The following KLF8 variants were observed in gnomAD, a reference collection of about 807,000 sequenced individuals.
KLF8 encodes the protein KLF transcription factor 8.
KLF8 carries 10 observed loss-of-function variants against 18.2 expected under a neutral mutation model. The observed-to-expected ratio is 0.55, with a 90% CI of 0.34 to 0.93. The LOEUF (loss-of-function observed/expected upper bound fraction) is 0.93. Among genes scored for constraint, KLF8 ranks in the 40% least tolerant of loss-of-function variants. The pLI, the probability that KLF8 is intolerant of heterozygous loss-of-function variation, is 0.02. For synonymous variants in KLF8, 109 were observed against 97.3 expected, an observed-to-expected ratio of 1.12 and a Z score of -0.71; for missense variants, 264 against 277.9, an observed-to-expected ratio of 0.95 and a Z score of 0.36.
the KLF8 span, among the ~76,000 whole-genome samples, chrX:56,080,333 A>G: frequency 9.0e-6 from 1 of 110,873 alleles, no homozygotes; most frequent in Non-Finnish European, 1.9e-5. Context: ...AGCTCTTGCA[A>G]GGCAGACCTG....
Position 56,285,383 on chromosome X carries a change from TATAGG to T in KLF8, c.*893_*897del, listed in dbSNP as rs2067256807. The T allele has an allele frequency of 8.9e-6, 1 of 111,809 alleles. No individual in the cohort carries two copies. Among genetic ancestry groups the T allele is most frequent in the Non-Finnish European group, 1.9e-5 (1 of 53,178 alleles). The allele number at this position is 111,809 out of a possible 1,213,427, so 9.2% of individuals were successfully genotyped here. ...ACAAATAGAGGGGTTCCTTTACTTG[TATAGG>T]ATATCAAAAGTGCTGTTAATCACAA... On this transcript the variant is annotated 3_prime_UTR_variant, in exon 6 of 6. Coordinates refer to ENST00000468660, the MANE Select transcript of KLF8 (RefSeq NM_007250.5).
At chrX:56,102,572 G>C in the KLF8 span, among the ~76,000 whole-genome samples, 2 of 110,753 alleles carry the variant, frequency 1.8e-5, no homozygotes, top group Non-Finnish European at 3.8e-5. Flanking sequence ...TAACAATATT[G>C]GTTCTTCCAT....
chrX:56,249,478 G>A (rs1441325945), intron 1 of KLF8, among the ~76,000 whole-genome samples: 1 of 111,906 alleles, frequency 8.9e-6, no homozygotes, highest in African/African-American at 3.2e-5. Context: ...TAAGGAGGAA[G>A]CTTTAAGCTA....
intron 2 of KLF8, among the ~76,000 whole-genome samples, chrX:56,256,479 CTA>C (rs1363023532): frequency 9.1e-6 from 1 of 109,895 alleles, no homozygotes; most frequent in Non-Finnish European, 1.9e-5. Flanking sequence ...CATTGCTTTT[CTA>C]GGTCTTTAAG....
At chrX:55,915,712 A>G in the KLF8 span, among the ~76,000 whole-genome samples, 3 of 112,096 alleles carry the variant, frequency 2.7e-5, no homozygotes, top group Non-Finnish European at 5.6e-5. Context: ...ATACTGCCTC[A>G]TGGTGACACT....
the KLF8 span, among the ~76,000 whole-genome samples, chrX:56,086,170 G>T: frequency 8.9e-6 from 1 of 112,132 alleles, no homozygotes; most frequent in African/African-American, 3.2e-5. Flanking sequence ...AGGAAGCAAG[G>T]CTTTCTGTGG....
At chrX:55,958,937 C>A in the KLF8 span, among the ~76,000 whole-genome samples, 1 of 112,091 alleles carries the variant, frequency 8.9e-6, no homozygotes, top group Non-Finnish European at 1.9e-5. Flanking sequence ...TGTGTGAGGA[C>A]CCCTGCCACC....
chrX:55,915,806 C>G, the KLF8 span, among the ~76,000 whole-genome samples: 1 of 111,747 alleles, frequency 8.9e-6, no homozygotes, highest in Non-Finnish European at 1.9e-5. Flanking sequence ...TGTAAACCAG[C>G]TGAAGCTAGC....
At chrX:56,114,896 T>C in the KLF8 span, among the ~76,000 whole-genome samples, 2 of 112,314 alleles carry the variant, frequency 1.8e-5, no homozygotes, top group South Asian at 7.3e-4. Context: ...GCTTCCGTTT[T>C]ACTTTTTACT....
At chrX:56,079,012 G>A in the KLF8 span, among the ~76,000 whole-genome samples, 5 of 110,756 alleles carry the variant, frequency 4.5e-5, no homozygotes, top group Admixed American at 1.9e-4. Flanking sequence ...TTTTTATCAC[G>A]TCTACTTGAT....
chrX:56,021,016 T>C, the KLF8 span, among the ~76,000 whole-genome samples: 1 of 112,410 alleles, frequency 8.9e-6, no homozygotes, highest in Non-Finnish European at 1.9e-5. Flanking sequence ...TGATATTTAT[T>C]GTAATACAGC....
At chrX:56,023,663 C>T in the KLF8 span, among the ~76,000 whole-genome samples, 2 of 110,039 alleles carry the variant, frequency 1.8e-5, no homozygotes, top group African/African-American at 6.6e-5. Flanking sequence ...TTTTTTAACA[C>T]AAACACTCCT....
chrX:56,177,903 G>T, the KLF8 span, among the ~76,000 whole-genome samples: 1 of 112,052 alleles, frequency 8.9e-6, no homozygotes, highest in Non-Finnish European at 1.9e-5. Context: ...TCCAAGCCAG[G>T]TGCCAGATAT....
chrX:55,947,358 A>G, the KLF8 span, among the ~76,000 whole-genome samples: 2 of 109,416 alleles, frequency 1.8e-5, no homozygotes, highest in Non-Finnish European at 3.8e-5. Flanking sequence ...GAAATTGGAA[A>G]TCATCATTCT....
the KLF8 span, among the ~76,000 whole-genome samples, chrX:56,061,502 A>T: frequency 9.0e-6 from 1 of 111,685 alleles, no homozygotes; most frequent in Non-Finnish European, 1.9e-5. Context: ...CTTGAGTTCT[A>T]ATTTGACTGC....
the KLF8 span, among the ~76,000 whole-genome samples, chrX:55,976,589 C>CA: frequency 3.9e-3 from 8 of 2,039 alleles, no homozygotes; most frequent in South Asian, 0.062. Flanking sequence ...CACACACACA[C>CA]CCCATGTTTT....
chrX:56,124,605 T>C, the KLF8 span, among the ~76,000 whole-genome samples: 1 of 111,644 alleles, frequency 9.0e-6, no homozygotes, highest in Admixed American at 9.5e-5. Flanking sequence ...TCTGCATCAT[T>C]GCCAAGGGAT....
chrX:55,911,455 G>A, the KLF8 span, among the ~76,000 whole-genome samples: 2 of 112,492 alleles, frequency 1.8e-5, no homozygotes, highest in Admixed American at 9.4e-5. Context: ...ACAAGATTTT[G>A]TAGCACTCTT....
intron 1 of KLF8, among the ~76,000 whole-genome samples, chrX:56,238,456 C>A (rs1381114929): frequency 8.9e-6 from 1 of 111,942 alleles, no homozygotes; most frequent in Non-Finnish European, 1.9e-5. Context: ...GCTTGGGCAA[C>A]AAGAGTGAAA....
Sources: gnomAD v4.1 joint callset for allele counts (sites outside exome capture counted in the v4.1 genomes callset) on GRCh38, gnomAD v4.1.1 for gene constraint, MANE v1.5 for transcripts, NCBI Gene and HGNC (gene_info 2026-07-23, HGNC 2026-07-21) for gene names.